STK38: variants seen among roughly 807,000 people sequenced by gnomAD.
STK38 encodes serine/threonine-protein kinase 38.
Under a neutral mutation model 59.0 loss-of-function variants are expected in STK38, and 26 were observed. The observed-to-expected ratio is 0.44, with a 90% CI of 0.32 to 0.61. STK38 has a LOEUF of 0.61. STK38 is among the 20% of genes least tolerant of loss of function. The pLI is 0.04. For synonymous variants in STK38, 175 were observed against 176.6 expected, an observed-to-expected ratio of 0.99 and a Z score of 0.07; for missense variants, 433 against 566.0, an observed-to-expected ratio of 0.76 and a Z score of 2.38.
intron 2 of STK38, among the ~76,000 whole-genome samples, chr6:36,530,495 G>C (rs936836090): frequency 6.0e-5 from 9 of 151,024 alleles, no homozygotes; most frequent in Admixed American, 5.3e-4. Context: ...CTCCCGGATA[G>C]CTGGGATTAC....
intron 8 of STK38, among the ~76,000 whole-genome samples, chr6:36,507,051 T>C (rs1284401568): frequency 6.6e-6 from 1 of 152,252 alleles, no homozygotes; most frequent in Non-Finnish European, 1.5e-5. Context: ...TTATGATACA[T>C]GATTTGACAT....
intron 2 of STK38, among the ~76,000 whole-genome samples, chr6:36,535,946 T>C (rs1332933309): frequency 6.6e-6 from 1 of 150,732 alleles, no homozygotes; most frequent in Non-Finnish European, 1.5e-5. Context: ...GACTCTAAAA[T>C]TTATAATAAA....
chr6:36,508,650 C>T (rs926198509), intron 7 of STK38, among the ~76,000 whole-genome samples: 3 of 152,242 alleles, frequency 2.0e-5, no homozygotes, highest in African/African-American at 7.2e-5. Flanking sequence ...TGCTCAGGTC[C>T]GCTGGGCTCA....
At chr6:36,515,222 C>A in intron 7 of STK38, 116 bp downstream of exon 7, 1 of 1,211,238 alleles carries the variant, frequency 8.3e-7, no homozygotes, top group South Asian at 1.9e-5. Context: ...AAAGGAAAAT[C>A]ATGACAAGGC....
rs1227371162 is a variant in STK38 at position 36,496,740 on chromosome 6, A to G, written c.1238T>C (p.Phe413Ser). Residue 413 changes from phenylalanine (F) to serine (S), a missense_variant, in exon 13 of 14, where the codon TTT becomes TCT. Coordinates refer to ENST00000229812, the MANE Select transcript of STK38 (RefSeq NM_007271.4). ...SIDDTSNFDE[F>S]PESDILKPTV... ...TGGCTTAAGAATATCAGATTCTGGA[A>G]ACTCATCGAAGTTTGAGGTATCATC... 6.2e-7 allele frequency: 1 copy of G among 1,613,588 alleles called. No individual in the cohort carries two copies. The highest frequency in any genetic ancestry group is 8.5e-7 in the Non-Finnish European group (1 of 1,179,780).
intron 1 of STK38, among the ~76,000 whole-genome samples, chr6:36,541,688 G>A (rs1777940759): frequency 1.3e-5 from 2 of 151,986 alleles, no homozygotes; most frequent in African/African-American, 2.4e-5. Context: ...TGTATATCAC[G>A]ATCTCAATTT....
intron 4 of STK38, among the ~76,000 whole-genome samples, chr6:36,523,166 T>A (rs1777422984): frequency 6.6e-6 from 1 of 151,996 alleles, no homozygotes; most frequent in Admixed American, 6.6e-5. Context: ...TACTTTTCCC[T>A]CTTTCAAGAA....
intron 4 of STK38, among the ~76,000 whole-genome samples, 166 bp downstream of exon 4, chr6:36,524,175 A>C (rs1428884371): frequency 4.6e-5 from 7 of 152,228 alleles, no homozygotes; most frequent in Admixed American, 4.6e-4. Context: ...TGCGGAGAGA[A>C]GAAAAAGAGA....
chr6:36,521,802 T>C lies in STK38; in HGVS notation c.322A>G (p.Lys108Glu). The C allele has an allele frequency of 6.2e-7, 1 of 1,610,748 alleles. No homozygotes were observed. Residue 108 changes from lysine to glutamate, a missense_variant, in exon 5 of 14, where the codon AAG becomes GAG. Transcript: ENST00000229812. The stretch of plus-strand genomic sequence containing the variant: ...GCATACACATGTCCCGTATCTTTCT[T>C]CTGAACAAGCCGTACCTAAAAAGTT... The part of the protein sequence containing the change: ...GAFGEVRLVQ[K>E]KDTGHVYAMK...
chr6:36,517,820 C>T lies in STK38; in HGVS notation c.411G>A (p.Glu137=), dbSNP rs758641423. 7 of 1,614,098 alleles carry T rather than the reference C, an allele frequency of 4.3e-6. No homozygotes were observed. Among genetic ancestry groups the T allele is most frequent in the South Asian group, 2.2e-5 (2 of 91,082 alleles). The change falls in exon 6 of 14, where the codon GAG becomes GAA. Residue 137 remains glutamate (E), a synonymous_variant. Coordinates refer to ENST00000229812, the MANE Select transcript of STK38 (RefSeq NM_007271.4). ...EKEQVGHIRA[E]RDILVEADSL... Reference sequence around the variant, plus strand: ...TGTCTGCCTCCACTAGAATGTCACGCTCCGCACGAATGTGGCCAACCTGGA... The same window carrying T: ...TGTCTGCCTCCACTAGAATGTCACGTTCCGCACGAATGTGGCCAACCTGGA...
chr6:36,503,112 T>A (rs1023984554), intron 9 of STK38, among the ~76,000 whole-genome samples: 1 of 152,238 alleles, frequency 6.6e-6, no homozygotes, highest in Non-Finnish European at 1.5e-5. Flanking sequence ...GGCCTATGAC[T>A]AGGGGTAGAA....
At chr6:36,523,736 G>A (rs78588268) in intron 4 of STK38, among the ~76,000 whole-genome samples, 1 of 152,158 alleles carries the variant, frequency 6.6e-6, no homozygotes, top group African/African-American at 2.4e-5. Context: ...GAATTGCGGG[G>A]ACAAAGTCGC....
At chr6:36,535,015 T>C (rs1176303080) in intron 2 of STK38, among the ~76,000 whole-genome samples, 1 of 152,158 alleles carries the variant, frequency 6.6e-6, no homozygotes, top group Non-Finnish European at 1.5e-5. Context: ...TGTCTATATA[T>C]TAGCAGCAAA....
At chr6:36,534,575 C>G (rs1357166883) in intron 2 of STK38, among the ~76,000 whole-genome samples, 2 of 151,960 alleles carry the variant, frequency 1.3e-5, no homozygotes, top group Non-Finnish European at 2.9e-5. Context: ...ATCACTCGAG[C>G]CCAGGAGGTC....
At chr6:36,503,429 AGTGT>A (rs147635090) in intron 9 of STK38, among the ~76,000 whole-genome samples, 2 of 143,244 alleles carry the variant, frequency 1.4e-5, no homozygotes, top group African/African-American at 5.7e-5. Flanking sequence ...CATATAGCTA[AGTGT>A]GTGTGTGTGT....
At chr6:36,527,207 A>AAAAAAAAAAAATATATAT (rs60162863) in intron 2 of STK38, among the ~76,000 whole-genome samples, 5 of 119,348 alleles carry the variant, frequency 4.2e-5, no homozygotes, top group African/African-American at 1.7e-4. Flanking sequence ...AAAAAAAAAA[A>AAAAAAAAAAAATATATAT]ATATATGTAT....
At chr6:36,500,484 G>A (rs974312918) in intron 9 of STK38, among the ~76,000 whole-genome samples, 2 of 151,980 alleles carry the variant, frequency 1.3e-5, no homozygotes, top group African/African-American at 2.4e-5. Context: ...ATATCTGGCC[G>A]GGAGTGGTGG....
At chr6:36,528,784 C>A (rs914205434) in intron 2 of STK38, among the ~76,000 whole-genome samples, 3 of 152,216 alleles carry the variant, frequency 2.0e-5, no homozygotes, top group Admixed American at 1.3e-4. Context: ...CATCATACGT[C>A]CTGACTACAC....
chr6:36,520,665 G>C (rs1327567581), intron 5 of STK38, among the ~76,000 whole-genome samples: 2 of 152,074 alleles, frequency 1.3e-5, no homozygotes, highest in African/African-American at 4.8e-5. Context: ...GGCCTACTAT[G>C]AATTTTGAAA....
Sources: allele counts gnomAD v4.1 joint callset (sites outside exome capture counted in the v4.1 genomes callset), GRCh38; gene constraint gnomAD v4.1.1; transcripts MANE v1.5; gene names NCBI Gene and HGNC (gene_info 2026-07-23, HGNC 2026-07-21).